Variants in CELF5 observed in about 807,000 individuals in gnomAD.
CELF5 encodes CUG-BP and ETR-3 like factor 5.
In CELF5, 6 loss-of-function variants were observed where a neutral mutation model predicts 54.9. The observed-to-expected ratio is 0.11, with a 90% CI of 0.06 to 0.22. The LOEUF (loss-of-function observed/expected upper bound fraction) is 0.22. Among genes scored for constraint, CELF5 ranks in the 10% least tolerant of loss-of-function variants. The probability of loss-of-function intolerance (pLI) is 1.00; values close to 1 mark genes in which losing one functional copy is unlikely to be tolerated. For missense variants in CELF5, 401 were observed against 678.6 expected, an observed-to-expected ratio of 0.59 and a Z score of 4.54; for synonymous variants, 271 against 290.9, an observed-to-expected ratio of 0.93 and a Z score of 0.70.
chr19:3,269,429 C>T (rs1307491047), intron 2 of CELF5, among the ~76,000 whole-genome samples: 1 of 152,104 alleles, frequency 6.6e-6, no homozygotes, highest in African/African-American at 2.4e-5. Flanking sequence ...CCACCTGCCT[C>T]GACCTCTCAA....
At chr19:3,239,211 C>T (rs539834371) in intron 1 of CELF5, among the ~76,000 whole-genome samples, 109 of 152,084 alleles carry the variant, frequency 7.2e-4, no homozygotes, top group African/African-American at 2.5e-3. Context: ...GGGATCCTCC[C>T]GCCTCAGCCC....
chr19:3,254,354 T>C (rs2079690330), intron 2 of CELF5, among the ~76,000 whole-genome samples: 1 of 151,778 alleles, frequency 6.6e-6, no homozygotes, highest in African/African-American at 2.4e-5. Flanking sequence ...GCCTATCCAT[T>C]CATTCATTCA....
chr19:3,290,924 CCAG>C (rs1318382373), intron 11 of CELF5, among the ~76,000 whole-genome samples: 1 of 151,146 alleles, frequency 6.6e-6, no homozygotes, highest in Non-Finnish European at 1.5e-5. Context: ...GAGTTCAAGA[CCAG>C]CCTGGGTAAC....
At chr19:3,239,451 G>A (rs141575366) in intron 1 of CELF5, among the ~76,000 whole-genome samples, 10 of 151,148 alleles carry the variant, frequency 6.6e-5, no homozygotes, top group Admixed American at 5.3e-4. Context: ...GCCCAGGCTC[G>A]TCTCAAACTC....
chr19:3,265,037 C>T (rs141142650), intron 2 of CELF5, among the ~76,000 whole-genome samples: 153 of 152,138 alleles, frequency 1.0e-3, no homozygotes, highest in East Asian at 9.1e-3. Context: ...TTAATGATGA[C>T]GAGATTTATC....
At chr19:3,243,799 A>G (rs189765287) in intron 1 of CELF5, among the ~76,000 whole-genome samples, 3 of 152,168 alleles carry the variant, frequency 2.0e-5, no homozygotes, top group Admixed American at 1.3e-4. Context: ...GTTCCCCTGT[A>G]GCGTTCCTTG....
At chr19:3,286,048 T>A in intron 10 of CELF5, 23 bp downstream of exon 10, 9 of 1,533,070 alleles carry the variant, frequency 5.9e-6, no homozygotes, top group Non-Finnish European at 7.8e-6. Context: ...CAACCTCCCC[T>A]GGGCGCCAGC....
rs1433939104 is a variant in CELF5, at chr19:3,278,185, T to C, written c.603+75T>C. Reference sequence around the variant, plus strand: ...AGGGGGACAGGGATGAAACAGGCCATATTCCTACCGTCGCTGTCATCCGGT... The same window carrying C: ...AGGGGGACAGGGATGAAACAGGCCACATTCCTACCGTCGCTGTCATCCGGT... On this transcript the variant is annotated intron_variant, in intron 5 of 12. Transcript: ENST00000292672. The surrounding 1 kb of genome is among the most constrained non-coding windows in gnomAD (Gnocchi z 4.5). The C allele has an allele frequency of 9.7e-7, 1 of 1,030,698 alleles. No individual in the cohort carries two copies. Among genetic ancestry groups the C allele is most frequent in the African/African-American group, 1.6e-5 (1 of 63,524 alleles). The allele number at this position is 1,030,698 out of a possible 1,614,324, so 63.8% of individuals were successfully genotyped here.
At chr19:3,292,942 A>G (rs546009604) in intron 11 of CELF5, among the ~76,000 whole-genome samples, 6 of 152,278 alleles carry the variant, frequency 3.9e-5, no homozygotes, top group Non-Finnish European at 5.9e-5. Context: ...GTGGACACAC[A>G]GTCAGCTGGA....
intron 1 of CELF5, among the ~76,000 whole-genome samples, chr19:3,230,042 G>C (rs1412857293): frequency 6.6e-6 from 1 of 152,144 alleles, no homozygotes. Context: ...TGGCAAGTGA[G>C]GCCTTGGCCA....
At chr19:3,245,388 CTGTGTGTGTGTGCGTG>C (rs1372224385) in intron 1 of CELF5, among the ~76,000 whole-genome samples, 1 of 135,808 alleles carries the variant, frequency 7.4e-6, no homozygotes, top group Non-Finnish European at 1.6e-5. Context: ...GTGTATGCAT[CTGTGTGTGTGTGCGTG>C]TGTGTGTGGT....
Position 3,282,179 on chromosome 19 carries a change from C to T in CELF5, c.804C>T (p.Pro268=), listed in dbSNP as rs760674156. The part of the protein sequence containing the change: ...VLSTSGSYLS[P]GVAFSPCHIQ... ...CCACCTCGGGCAGCTACCTGAGTCC[C>T]GGCGTGGCCTTCTCACCCTGTCACA... is the stretch of plus-strand genomic sequence containing the variant. The change falls in exon 7 of 13, where the codon CCC becomes CCT. Residue 268 remains proline, a synonymous_variant. Transcript: ENST00000292672. This position sits in a 1 kb window ranked among gnomAD's most constrained non-coding sequence, Gnocchi z 5.2. 18 of 1,614,094 alleles carry T rather than the reference C, an allele frequency of 1.1e-5. No homozygotes were observed. The highest frequency in any genetic ancestry group is 6.7e-5 in the African/African-American group (5 of 74,948).
At chr19:3,248,796 T>C (rs1314655057) in intron 1 of CELF5, among the ~76,000 whole-genome samples, 1 of 152,224 alleles carries the variant, frequency 6.6e-6, no homozygotes, top group East Asian at 1.9e-4. Flanking sequence ...ACTGTCAAAC[T>C]GTTTTCTGCA....
chr19:3,292,090 G>A (rs1015995173), intron 11 of CELF5, among the ~76,000 whole-genome samples: 6 of 152,068 alleles, frequency 3.9e-5, no homozygotes, highest in Non-Finnish European at 7.4e-5. Context: ...GGGATTACAG[G>A]CACCCGCCAT....
At chr19:3,256,527 G>C (rs998504605) in intron 2 of CELF5, among the ~76,000 whole-genome samples, 1 of 147,124 alleles carries the variant, frequency 6.8e-6, no homozygotes, top group Non-Finnish European at 1.5e-5. Flanking sequence ...TCAGGACGGA[G>C]GTTTCATTTA....
intron 1 of CELF5, among the ~76,000 whole-genome samples, chr19:3,246,164 G>C (rs1466158916): frequency 1.3e-5 from 2 of 152,126 alleles, no homozygotes; most frequent in Non-Finnish European, 2.9e-5. Context: ...AGGAGATTGA[G>C]ACCAGCCTGG....
chr19:3,296,457 G>GAAAAAAA (rs2080453313), intron 12 of CELF5: 2 of 67,000 alleles, frequency 3.0e-5, no homozygotes, highest in African/African-American at 6.2e-5. Flanking sequence ...AAAAAAAAAA[G>GAAAAAAA]AAAAGAAAAA....
At chr19:3,272,133 T>A (rs366475) in intron 2 of CELF5, among the ~76,000 whole-genome samples, 1 of 151,366 alleles carries the variant, frequency 6.6e-6, no homozygotes, top group Non-Finnish European at 1.5e-5. Flanking sequence ...TTTGGGAGGC[T>A]GAGGTGGGCG....
chr19:3,263,725 T>C (rs2079840194), intron 2 of CELF5, among the ~76,000 whole-genome samples: 3 of 152,010 alleles, frequency 2.0e-5, no homozygotes, highest in East Asian at 3.9e-4. Context: ...GCCAACATAG[T>C]GAAACCCCGT....
Sources: allele counts gnomAD v4.1 joint callset (sites outside exome capture counted in the v4.1 genomes callset), GRCh38; gene constraint gnomAD v4.1.1; non-coding constraint Gnocchi (gnomAD v3.1); transcripts MANE v1.5; gene names NCBI Gene and HGNC (gene_info 2026-07-23, HGNC 2026-07-21).